Variants in NUP160 observed in about 807,000 individuals in gnomAD.
NUP160 encodes nuclear pore complex protein Nup160.
In NUP160, 94 loss-of-function variants were observed where a neutral mutation model predicts 196.9. That is an observed-to-expected ratio of 0.48 (90% CI 0.40 to 0.57). The LOEUF is 0.57. Among genes scored for constraint, NUP160 ranks in the 20% least tolerant of loss-of-function variants. NUP160 has a pLI of 0.00. For synonymous variants in NUP160, 605 were observed against 619.7 expected (o/e 0.98, Z 0.35); for missense variants, 1,638 against 1,748.3 (o/e 0.94, Z 1.13).
At chr11:47,847,595 T>TA (rs1449883357) in intron 2 of NUP160, among the ~76,000 whole-genome samples, 1 of 129,800 alleles carries the variant, frequency 7.7e-6, no homozygotes, top group Middle Eastern at 4.0e-3. Context: ...TTTATTCCCC[T>TA]AAGCTACATT....
intron 2 of NUP160, among the ~76,000 whole-genome samples, chr11:47,847,431 T>C (rs1314590623): frequency 6.6e-6 from 1 of 152,142 alleles, no homozygotes; most frequent in Non-Finnish European, 1.5e-5. Flanking sequence ...TGCTACAACG[T>C]CTTGCATGAT....
At chr11:47,783,664 T>G (rs1565185262) in intron 33 of NUP160, among the ~76,000 whole-genome samples, 2 of 152,134 alleles carry the variant, frequency 1.3e-5, no homozygotes. Flanking sequence ...TAAGCATGCT[T>G]TCTATATTCC....
chr11:47,795,406 A>C (rs1002514171), intron 27 of NUP160, among the ~76,000 whole-genome samples: 13 of 152,160 alleles, frequency 8.5e-5, no homozygotes, highest in Non-Finnish European at 1.9e-4. Context: ...GATCTTTAAT[A>C]ATTTTTATTT....
intron 2 of NUP160, 52 bp from the exon 3 acceptor site, chr11:47,840,640 G>T: frequency 2.2e-6 from 3 of 1,378,608 alleles, no homozygotes; most frequent in Non-Finnish European, 2.0e-6. Context: ...CTCACTGACT[G>T]TTCTACTGAA....
intron 12 of NUP160, 110 bp downstream of exon 12, chr11:47,815,836 G>A: frequency 1.0e-6 from 1 of 1,002,786 alleles, no homozygotes; most frequent in African/African-American, 1.6e-5. Context: ...ACATTTATAT[G>A]TTCCAACAAA....
exon 12 of NUP160, chr11:47,815,948 C>G: frequency 6.2e-7 from 1 of 1,610,972 alleles, no homozygotes; most frequent in Non-Finnish European, 8.5e-7. Context: ...AGCCTCACCT[C>G]ATTTTCAACA....
At chr11:47,811,728 C>T (rs952907577) in intron 17 of NUP160, among the ~76,000 whole-genome samples, 10 of 152,006 alleles carry the variant, frequency 6.6e-5, no homozygotes, top group Admixed American at 4.6e-4. Flanking sequence ...AGGTTTGTTA[C>T]GTAGGTAAAC....
intron 23 of NUP160, among the ~76,000 whole-genome samples, chr11:47,801,161 G>A (rs1355860537): frequency 6.6e-6 from 1 of 152,166 alleles, no homozygotes; most frequent in African/African-American, 2.4e-5. Context: ...AGCATTACTA[G>A]TCAATTCCCA....
intron 17 of NUP160, 102 bp downstream of exon 17, chr11:47,811,962 A>G (rs774129513): frequency 8.6e-5 from 87 of 1,015,832 alleles, no homozygotes; most frequent in Non-Finnish European, 1.1e-4. Context: ...GTGAACCAAG[A>G]CAAAAGTATC....
At chr11:47,788,412 AC>A in intron 30 of NUP160, 88 bp downstream of exon 30, 1 of 1,543,600 alleles carries the variant, frequency 6.5e-7, no homozygotes. Context: ...CAGGCTTTAT[AC>A]CCATCTACCA....
chr11:47,817,857 C>T (rs1461083631), intron 11 of NUP160, among the ~76,000 whole-genome samples, 199 bp downstream of exon 11: 4 of 151,774 alleles, frequency 2.6e-5, no homozygotes, highest in African/African-American at 9.7e-5. Flanking sequence ...GAAAGTGGTC[C>T]CCCCTCCAAC....
chr11:47,779,089 T>C (rs1359588971), exon 36 of NUP160: 2 of 1,600,222 alleles, frequency 1.2e-6, no homozygotes, highest in East Asian at 2.2e-5. Context: ...TTACAAAGGC[T>C]AGGTGACAAT....
At position 47,836,867 on chromosome 11, in the gene NUP160, A is replaced by T; in HGVS notation, c.942+20T>A. The T allele has an allele frequency of 7.3e-7, 1 of 1,374,716 alleles. No individual in the cohort carries two copies. Among genetic ancestry groups the T allele is most frequent in the Non-Finnish European group, 1.0e-6 (1 of 966,166 alleles). 85.2% of individuals were successfully genotyped at this position (1,374,716 alleles called of 1,614,324 possible). A position where few individuals can be genotyped will look rare whatever the true frequency, so the allele number is the denominator to read the frequency against. On this transcript the variant is annotated intron_variant, in intron 6 of 35. Transcript: ENST00000378460. Reference sequence around the variant, plus strand: ...CACAATCCTGTTTTAACTTACAGCAACTATAAATGTAGCACTTACCTTGTA... The same window carrying T: ...CACAATCCTGTTTTAACTTACAGCATCTATAAATGTAGCACTTACCTTGTA...
chr11:47,796,313 T>C (rs2097670891), intron 27 of NUP160: 1 of 704,368 alleles, frequency 1.4e-6, no homozygotes, highest in Non-Finnish European at 2.6e-6. Context: ...AGCTATTCCT[T>C]AGCTCCAGGG....
chr11:47,842,575 C>T (rs1852327189), intron 2 of NUP160, among the ~76,000 whole-genome samples: 1 of 152,160 alleles, frequency 6.6e-6, no homozygotes. Flanking sequence ...CTACCCGAAT[C>T]ACTCAGCTCT....
rs142792176 is a variant in NUP160 at position 47,813,109 on chromosome 11, T to G, written c.1787-62A>C. 263 of 1,210,882 alleles carry G rather than the reference T, an allele frequency of 2.2e-4. 2 individuals are homozygous for G. The African/African-American group carries it at 2.6e-3, about 12-fold the overall frequency. 75.0% of individuals were successfully genotyped at this position (1,210,882 alleles called of 1,614,324 possible). A position where few individuals can be genotyped will look rare whatever the true frequency, so the allele number is the denominator to read the frequency against. On this transcript the variant is annotated intron_variant, in intron 14 of 35. Transcript: ENST00000378460. ...CCAATGACAATCTATTGATTGATAT[T>G]ACATTAAAATGTTAATAATTAAATG...
intron 27 of NUP160, among the ~76,000 whole-genome samples, chr11:47,793,704 A>T: frequency 7.2e-6 from 1 of 139,786 alleles, no homozygotes. Flanking sequence ...AAATCATTTA[A>T]TTATCTGTAA....
At chr11:47,797,125 T>C (rs1395451638) in intron 27 of NUP160, among the ~76,000 whole-genome samples, 1 of 140,994 alleles carries the variant, frequency 7.1e-6, no homozygotes, top group Non-Finnish European at 1.5e-5. Context: ...CAGTCAGAAT[T>C]TTGCTCTAAG....
intron 20 of NUP160, among the ~76,000 whole-genome samples, chr11:47,805,648 G>T (rs1046315761): frequency 6.6e-6 from 1 of 151,294 alleles, no homozygotes; most frequent in South Asian, 2.1e-4. Flanking sequence ...GGGTTTCACC[G>T]TGTTGTCCAG....
Sources: gnomAD v4.1 joint callset for allele counts (sites outside exome capture counted in the v4.1 genomes callset) on GRCh38, gnomAD v4.1.1 for gene constraint, MANE v1.5 for transcripts, NCBI Gene and HGNC (gene_info 2026-07-23, HGNC 2026-07-21) for gene names.